Variants in CNTLN observed in about 807,000 individuals in gnomAD.
The protein encoded by CNTLN is centlein, centrosomal protein.
In CNTLN, 212 loss-of-function variants were observed where a neutral mutation model predicts 180.0. That is an observed-to-expected ratio of 1.18 (90% confidence interval 1.05 to 1.32). The LOEUF (loss-of-function observed/expected upper bound fraction) is 1.32, where lower values mean the gene tolerates loss of function less well. CNTLN is among the 40% of genes most tolerant of loss of function. The pLI is 0.00. For missense variants in CNTLN, 2,095 were observed against 1,610.9 expected, an observed-to-expected ratio of 1.30 and a Z score of -5.14; for synonymous variants, 722 against 563.1, an observed-to-expected ratio of 1.28 and a Z score of -3.99.
chr9:17,152,972 A>T (rs1327324473), intron 2 of CNTLN, among the ~76,000 whole-genome samples: 1 of 151,758 alleles, frequency 6.6e-6, no homozygotes, highest in East Asian at 2.0e-4. Flanking sequence ...AGAGATTAGG[A>T]TTGCAACTCC....
intron 7 of CNTLN, among the ~76,000 whole-genome samples, chr9:17,303,046 C>T (rs549363768): frequency 1.1e-4 from 17 of 152,236 alleles, no homozygotes; most frequent in African/African-American, 3.6e-4. Context: ...GTTTAAGCCT[C>T]GCACCAACCT....
At chr9:17,315,492 G>A (rs1445318881) in intron 8 of CNTLN, among the ~76,000 whole-genome samples, 3 of 151,946 alleles carry the variant, frequency 2.0e-5, no homozygotes, top group Admixed American at 1.3e-4. Flanking sequence ...TAAAGCTTTT[G>A]TCAGCCATGG....
At chr9:17,180,843 C>G (rs114525304) in intron 2 of CNTLN, among the ~76,000 whole-genome samples, 440 of 152,000 alleles carry the variant, frequency 2.9e-3, no homozygotes, top group African/African-American at 9.8e-3. Flanking sequence ...TGATTCTTTT[C>G]TTTTCTTTCG....
chr9:17,357,711 G>C (rs4961543), intron 12 of CNTLN, among the ~76,000 whole-genome samples: 1 of 150,140 alleles, frequency 6.7e-6, no homozygotes, highest in East Asian at 1.9e-4. Flanking sequence ...TGAAAAGACA[G>C]CAAAGTTACT....
chr9:17,434,522 C>T (rs181769319), intron 18 of CNTLN, among the ~76,000 whole-genome samples: 1 of 152,034 alleles, frequency 6.6e-6, no homozygotes, highest in Non-Finnish European at 1.5e-5. Flanking sequence ...TGAGTGTTTG[C>T]AGGTTTTCCT....
At chr9:17,481,729 A>G (rs530498389) in intron 23 of CNTLN, among the ~76,000 whole-genome samples, 18 of 152,346 alleles carry the variant, frequency 1.2e-4, no homozygotes, top group Non-Finnish European at 1.5e-4. Context: ...CACATGGCCA[A>G]TGAGCATAGC....
the CNTLN span, among the ~76,000 whole-genome samples, chr9:17,516,646 A>G: frequency 4.7e-4 from 71 of 152,308 alleles, no homozygotes; most frequent in Non-Finnish European, 9.3e-4. Context: ...AGGGTGGGAC[A>G]TCTGTCACAT....
At chr9:17,495,641 G>GT (rs1170281630) in intron 25 of CNTLN, among the ~76,000 whole-genome samples, 1 of 152,050 alleles carries the variant, frequency 6.6e-6, no homozygotes, top group Admixed American at 6.6e-5. Context: ...AAAGAAAAAG[G>GT]TTTTTTAATA....
rs1278001350 is a variant in CNTLN, at chr9:17,466,702, G to T, written c.3670-4G>T. Reference sequence around the variant, plus strand: ...TTTATTTTATGACTGCTGATCTTTTGCAGGATCTCAAGCTTACTCTCCTAG... The same window carrying T: ...TTTATTTTATGACTGCTGATCTTTTTCAGGATCTCAAGCTTACTCTCCTAG... On this transcript the variant is annotated splice_polypyrimidine_tract_variant and splice_region_variant and intron_variant, in intron 22 of 25. Coordinates refer to ENST00000380647, the MANE Select transcript of CNTLN (RefSeq NM_017738.4). 1 of 1,603,416 alleles carries T rather than the reference G, an allele frequency of 6.2e-7. No homozygotes were observed. Among genetic ancestry groups the T allele is most frequent in the Non-Finnish European group, 8.5e-7 (1 of 1,174,714 alleles).
chr9:17,335,303 G>T (rs1820933247), intron 10 of CNTLN, among the ~76,000 whole-genome samples: 1 of 152,200 alleles, frequency 6.6e-6, no homozygotes, highest in South Asian at 2.1e-4. Flanking sequence ...TGGATCACGA[G>T]TTCAAGAGAT....
intron 18 of CNTLN, among the ~76,000 whole-genome samples, chr9:17,428,590 T>G (rs1355543840): frequency 6.6e-6 from 1 of 152,170 alleles, no homozygotes; most frequent in Non-Finnish European, 1.5e-5. Context: ...TTTTGCAAAC[T>G]TAGTATTTTT....
At chr9:17,179,617 C>T (rs1820994596) in intron 2 of CNTLN, among the ~76,000 whole-genome samples, 1 of 152,088 alleles carries the variant, frequency 6.6e-6, no homozygotes, top group African/African-American at 2.4e-5. Context: ...AATCTATGGG[C>T]ATTTGAAAAT....
At chr9:17,159,722 ATGGAGACTACACCGTGT>A in intron 2 of CNTLN, among the ~76,000 whole-genome samples, 1 of 152,156 alleles carries the variant, frequency 6.6e-6, no homozygotes, top group East Asian at 1.9e-4. Flanking sequence ...GCTGTCTGGA[ATGGAGACTACACCGTGT>A]TGAGCTGGAA....
At chr9:17,333,447 A>G (rs887425504) in intron 10 of CNTLN, among the ~76,000 whole-genome samples, 1 of 152,112 alleles carries the variant, frequency 6.6e-6, no homozygotes, top group African/African-American at 2.4e-5. Flanking sequence ...TAATCATATA[A>G]TTCTCAAGTA....
chr9:17,440,421 CA>C (rs528636729), intron 18 of CNTLN, among the ~76,000 whole-genome samples: 7,594 of 75,650 alleles, frequency 0.1, 422 homozygotes, highest in African/African-American at 0.24. Flanking sequence ...AAATAAAATA[CA>C]AAAAAAAAAA....
intron 12 of CNTLN, among the ~76,000 whole-genome samples, chr9:17,359,915 T>A (rs1409719085): frequency 4.0e-5 from 6 of 150,700 alleles, no homozygotes; most frequent in Admixed American, 4.0e-4. Flanking sequence ...AAAATAATAA[T>A]AAAAATAAAC....
At chr9:17,173,843 A>T (rs1820556681) in intron 2 of CNTLN, among the ~76,000 whole-genome samples, 1 of 152,202 alleles carries the variant, frequency 6.6e-6, no homozygotes. Context: ...GATTTGGCAT[A>T]TGCTTGAACC....
intron 12 of CNTLN, among the ~76,000 whole-genome samples, chr9:17,354,015 GC>G (rs1564021727): frequency 1.3e-5 from 2 of 152,198 alleles, no homozygotes; most frequent in African/African-American, 2.4e-5. Context: ...GGGCTTGGCG[GC>G]CCCGCACTCG....
At chr9:17,265,985 A>C (rs1471473324) in intron 5 of CNTLN, among the ~76,000 whole-genome samples, 1 of 151,898 alleles carries the variant, frequency 6.6e-6, no homozygotes, top group African/African-American at 2.4e-5. Flanking sequence ...TTTTCAAAAA[A>C]CCAGCTCCTG....
Sources: allele counts gnomAD v4.1 joint callset (sites outside exome capture counted in the v4.1 genomes callset), GRCh38; gene constraint gnomAD v4.1.1; transcripts MANE v1.5; gene names NCBI Gene and HGNC (gene_info 2026-07-23, HGNC 2026-07-21).